ZBTB20: variants seen among roughly 807,000 people sequenced by gnomAD.
ZBTB20 encodes zinc finger and BTB domain containing 20.
ZBTB20 carries 9 observed loss-of-function variants against 56.9 expected under a neutral mutation model. That is an observed-to-expected ratio of 0.16 (90% CI 0.10 to 0.28). The LOEUF is 0.28. ZBTB20 is among the 10% of genes least tolerant of loss of function. The pLI is 1.00. For synonymous variants in ZBTB20, 417 were observed against 420.7 expected, an observed-to-expected ratio of 0.99 and a Z score of 0.11; for missense variants, 655 against 1,003.0, an observed-to-expected ratio of 0.65 and a Z score of 4.69.
chr3:114,631,169 T>TG (rs980470001), intron 6 of ZBTB20, among the ~76,000 whole-genome samples: 1 of 152,076 alleles, frequency 6.6e-6, no homozygotes, highest in Admixed American at 6.6e-5. Flanking sequence ...TTGACCTAAA[T>TG]GTATGCATCA....
chr3:114,350,786 G>A lies in ZBTB20; in HGVS notation c.1292C>T (p.Ser431Phe). 1 of 1,614,042 alleles carries A rather than the reference G, an allele frequency of 6.2e-7. No homozygotes were observed. Among genetic ancestry groups the A allele is most frequent in the Non-Finnish European group, 8.5e-7 (1 of 1,179,996 alleles). ...CACTTCATTGCTTCTCTCCGGAGAG[G>A]AAGCACCTGTTTCTAGCTGGTTTGT... ...PQTNQLETGA[S>F]SPERSNEVEM... The change falls in exon 11 of 12, where the codon TCC becomes TTC. Residue 431 changes from serine to phenylalanine, a missense_variant. By Grantham distance (155) the Ser-to-Phe change is radical. This residue lies in a region of ZBTB20 where 156 missense variants were observed against 181.0 expected (regional missense o/e 0.86). Transcript: ENST00000675478.
intron 6 of ZBTB20, among the ~76,000 whole-genome samples, chr3:114,616,781 C>T (rs956132460): frequency 6.6e-6 from 1 of 152,160 alleles, no homozygotes; most frequent in Non-Finnish European, 1.5e-5. Flanking sequence ...AAATTAAACA[C>T]CTTCAAAAGT....
rs2078817761 is a variant in ZBTB20, at chr3:114,319,557, G to A, written c.*19448C>T. 1 of 152,146 alleles carries A rather than the reference G, an allele frequency of 6.6e-6. No homozygotes were observed. The highest frequency in any genetic ancestry group is 2.1e-4 in the South Asian group (1 of 4,828). 9.4% of individuals were successfully genotyped at this position (152,146 alleles called of 1,614,324 possible). A position where few individuals can be genotyped will look rare whatever the true frequency, so the allele number is the denominator to read the frequency against. On this transcript the variant is annotated 3_prime_UTR_variant, in exon 12 of 12. Transcript: ENST00000675478. ...TCTTCCCTTTACTGTGCATTTGTATGGGTAAACGGGCCAGTTTGGTATTGG... is the reference window on the plus strand; with the variant it reads ...TCTTCCCTTTACTGTGCATTTGTATAGGTAAACGGGCCAGTTTGGTATTGG...
intron 2 of ZBTB20, among the ~76,000 whole-genome samples, chr3:114,978,991 A>G (rs977687948): frequency 6.6e-6 from 1 of 150,934 alleles, no homozygotes. Context: ...TTTTTTAGAG[A>G]AAAAAAAATG....
intron 1 of ZBTB20, among the ~76,000 whole-genome samples, chr3:115,106,511 G>A (rs1249254219): frequency 6.6e-6 from 1 of 152,098 alleles, no homozygotes; most frequent in Non-Finnish European, 1.5e-5. Context: ...GGAATTACAA[G>A]CATGAGCCAC....
chr3:114,995,930 C>T (rs901137587), intron 2 of ZBTB20, among the ~76,000 whole-genome samples: 1 of 151,750 alleles, frequency 6.6e-6, no homozygotes, highest in Non-Finnish European at 1.5e-5. Flanking sequence ...CTCCCAACCC[C>T]AACTTTTCAA....
intron 6 of ZBTB20, among the ~76,000 whole-genome samples, chr3:114,653,814 T>C (rs2108017755): frequency 6.6e-6 from 1 of 152,098 alleles, no homozygotes; most frequent in South Asian, 2.1e-4. Flanking sequence ...TAAAGGAATA[T>C]TTTGATTTCT....
chr3:114,496,804 T>C (rs1230183389), intron 7 of ZBTB20, among the ~76,000 whole-genome samples: 2 of 152,112 alleles, frequency 1.3e-5, no homozygotes, highest in Non-Finnish European at 2.9e-5. Context: ...TGATAGGAAA[T>C]TGGGGCATTG....
At chr3:114,501,968 A>C (rs928025540) in intron 6 of ZBTB20, among the ~76,000 whole-genome samples, 6 of 152,034 alleles carry the variant, frequency 3.9e-5, no homozygotes, top group African/African-American at 1.4e-4. Flanking sequence ...TTGGCCTCCC[A>C]AAGTGCTGGA....
intron 6 of ZBTB20, among the ~76,000 whole-genome samples, chr3:114,633,769 T>C (rs1372907058): frequency 6.6e-6 from 1 of 152,124 alleles, no homozygotes; most frequent in South Asian, 2.1e-4. Context: ...GAAATACAAA[T>C]GCACAATATT....
At chr3:114,830,721 G>A (rs146230132) in intron 4 of ZBTB20, among the ~76,000 whole-genome samples, 216 of 152,012 alleles carry the variant, frequency 1.4e-3, no homozygotes, top group Non-Finnish European at 2.3e-3. Flanking sequence ...ATAAGTGATC[G>A]TGCCAGGATT....
At chr3:114,373,316 C>T (rs775308466) in intron 10 of ZBTB20, among the ~76,000 whole-genome samples, 1 of 152,160 alleles carries the variant, frequency 6.6e-6, no homozygotes, top group African/African-American at 2.4e-5. Flanking sequence ...ATTTGGAAAG[C>T]AAATGTCTCT....
chr3:114,443,855 C>T (rs540703477), intron 7 of ZBTB20, among the ~76,000 whole-genome samples: 19 of 152,176 alleles, frequency 1.2e-4, no homozygotes, highest in Admixed American at 2.0e-4. Context: ...TCTTTACAGA[C>T]GTGGAACGTG....
At chr3:115,131,062 A>G (rs1405888287) in intron 1 of ZBTB20, among the ~76,000 whole-genome samples, 1 of 152,146 alleles carries the variant, frequency 6.6e-6, no homozygotes, top group African/African-American at 2.4e-5. Flanking sequence ...TGCCCGGCCA[A>G]TTATTTTTAT....
intron 6 of ZBTB20, among the ~76,000 whole-genome samples, chr3:114,510,549 C>G (rs759244459): frequency 8.6e-5 from 13 of 151,872 alleles, no homozygotes; most frequent in Non-Finnish European, 1.3e-4. Context: ...AATGACCCAG[C>G]AGCAGCATGA....
intron 4 of ZBTB20, among the ~76,000 whole-genome samples, chr3:114,819,885 T>C (rs1490953016): frequency 6.6e-6 from 1 of 151,774 alleles, no homozygotes; most frequent in African/African-American, 2.4e-5. Context: ...TTTATAAAAA[T>C]AAGAAAACAA....
At chr3:114,974,998 G>C (rs1452411448) in intron 2 of ZBTB20, among the ~76,000 whole-genome samples, 1 of 152,136 alleles carries the variant, frequency 6.6e-6, no homozygotes, top group African/African-American at 2.4e-5. Context: ...CTAAGGCATT[G>C]ACATTAAAAC....
chr3:114,792,109 C>A (rs1578887672), intron 5 of ZBTB20: 1 of 152,196 alleles, frequency 6.6e-6, no homozygotes, highest in African/African-American at 2.4e-5. Flanking sequence ...CTGATTGCTT[C>A]TCATCAGTCT....
At chr3:115,024,073 C>T (rs971241602) in intron 2 of ZBTB20, among the ~76,000 whole-genome samples, 7 of 151,000 alleles carry the variant, frequency 4.6e-5, no homozygotes, top group African/African-American at 1.7e-4. Context: ...GTTTTTGTAG[C>T]TTACCTCTTC....
Sources: allele counts gnomAD v4.1 joint callset (sites outside exome capture counted in the v4.1 genomes callset), GRCh38; gene constraint gnomAD v4.1.1; regional missense constraint gnomAD v4.1.1; transcripts MANE v1.5; gene names NCBI Gene and HGNC (gene_info 2026-07-23, HGNC 2026-07-21).